Variants in TIAM1 observed in about 807,000 individuals in gnomAD.
TIAM1 encodes the protein rho guanine nucleotide exchange factor TIAM1.
A neutral mutation model predicts 163.5 loss-of-function variants in TIAM1; 65 were observed. The observed-to-expected ratio is 0.40, with a 90% CI of 0.33 to 0.49. The LOEUF (loss-of-function observed/expected upper bound fraction) is 0.49, where lower values mean the gene tolerates loss of function less well. Ranked by LOEUF, TIAM1 falls within the 20% of genes least tolerant of loss-of-function variation. The pLI, the probability that TIAM1 is intolerant of heterozygous loss-of-function variation, is 0.77. For missense variants in TIAM1, 1,789 were observed against 2,044.7 expected (o/e 0.87, Z 2.41); for synonymous variants, 833 against 810.1 (o/e 1.03, Z -0.48).
chr21:31,203,030 G>T lies in TIAM1; in HGVS notation c.2389-18C>A. On this transcript the variant is annotated intron_variant, in intron 11 of 27. Coordinates refer to ENST00000541036, the MANE Select transcript of TIAM1 (RefSeq NM_001353694.2). The stretch of plus-strand genomic sequence containing the variant: ...TGATGTGTCTGGGACAAAAAAGAAA[G>T]AAAGAAAGAAAATGTCTGTTCAATA... The T allele has an allele frequency of 1.3e-6, 2 of 1,594,102 alleles. No individual in the cohort carries two copies. The highest frequency in any genetic ancestry group is 8.6e-7 in the Non-Finnish European group (1 of 1,164,110).
intron 5 of TIAM1, among the ~76,000 whole-genome samples, chr21:31,251,528 C>T (rs536044749): frequency 2.0e-5 from 3 of 152,308 alleles, no homozygotes; most frequent in South Asian, 2.1e-4. Context: ...CAACATTGCA[C>T]TTGTAGTCGA....
chr21:31,155,148 C>T lies in TIAM1; in HGVS notation c.2992-722G>A, dbSNP rs531678667. Reference sequence around the variant, plus strand: ...TACCAGGGATGAATCAGGTGTAGACCATAAAGGTTGCACACGTTTTGTCAT... The same window carrying T: ...TACCAGGGATGAATCAGGTGTAGACTATAAAGGTTGCACACGTTTTGTCAT... On this transcript the variant is annotated intron_variant, in intron 16 of 27. Transcript: ENST00000541036. Among the ~76,000 whole-genome samples the T allele has an allele frequency of 4.6e-5, 7 of 152,292 alleles. No homozygotes were observed. In the South Asian group the frequency reaches 8.3e-4, roughly 18 times the overall value.
At chr21:31,139,066 T>C (rs1326747941) in intron 22 of TIAM1, among the ~76,000 whole-genome samples, 1 of 152,224 alleles carries the variant, frequency 6.6e-6, no homozygotes, top group Non-Finnish European at 1.5e-5. Flanking sequence ...TGTTCCTCAC[T>C]GGAAAGATTT....
At chr21:31,371,526 G>A (rs540535693) in intron 2 of TIAM1, among the ~76,000 whole-genome samples, 2 of 152,298 alleles carry the variant, frequency 1.3e-5, no homozygotes, top group African/African-American at 4.8e-5. Flanking sequence ...ATTTGTTCCT[G>A]CATGTTTTTA....
At chr21:31,389,327 G>A (rs2076930906) in intron 2 of TIAM1, among the ~76,000 whole-genome samples, 1 of 152,052 alleles carries the variant, frequency 6.6e-6, no homozygotes, top group Admixed American at 6.6e-5. Flanking sequence ...GCAATTCTCA[G>A]CCTCCCGAGT....
intron 24 of TIAM1, 92 bp from the exon 25 acceptor site, chr21:31,130,407 G>T: frequency 9.8e-7 from 1 of 1,018,516 alleles, no homozygotes; most frequent in Non-Finnish European, 1.5e-6. Flanking sequence ...AGACTCTCAC[G>T]CAGTAACTCT....
intron 3 of TIAM1, among the ~76,000 whole-genome samples, 183 bp from the exon 4 acceptor site, chr21:31,267,166 G>A (rs1242283511): frequency 1.3e-5 from 2 of 152,134 alleles, no homozygotes; most frequent in Non-Finnish European, 2.9e-5. Context: ...CCTGGGAGCA[G>A]GTGAACAGTA....
At chr21:31,179,632 G>A (rs527984718) in intron 15 of TIAM1, among the ~76,000 whole-genome samples, 7 of 151,854 alleles carry the variant, frequency 4.6e-5, no homozygotes, top group Middle Eastern at 3.4e-3. Context: ...TGGATTTAGC[G>A]CACAGCCTCC....
intron 8 of TIAM1, among the ~76,000 whole-genome samples, chr21:31,218,586 G>T (rs576351592): frequency 1.3e-5 from 2 of 151,866 alleles, no homozygotes; most frequent in African/African-American, 4.8e-5. Context: ...AAAGCGGGGG[G>T]TGGGGAATCT....
At chr21:31,350,467 G>A (rs2076216451) in intron 2 of TIAM1, among the ~76,000 whole-genome samples, 1 of 152,130 alleles carries the variant, frequency 6.6e-6, no homozygotes, top group South Asian at 2.1e-4. Flanking sequence ...TTTTGGTGTT[G>A]CAGATGGGGC....
chr21:31,468,910 C>T (rs1301233892), intron 1 of TIAM1, among the ~76,000 whole-genome samples: 3 of 151,918 alleles, frequency 2.0e-5, no homozygotes, highest in African/African-American at 4.8e-5. Flanking sequence ...GGAGGCACCA[C>T]GGGCAGGGAT....
intron 2 of TIAM1, among the ~76,000 whole-genome samples, chr21:31,457,790 C>T (rs1175159850): frequency 6.6e-6 from 1 of 152,120 alleles, no homozygotes; most frequent in Non-Finnish European, 1.5e-5. Flanking sequence ...AATCTTGTGT[C>T]CCCCCACCTC....
chr21:31,550,128 G>GA lies in TIAM1; in HGVS notation c.-422+8798dup, dbSNP rs531209271. Among the ~76,000 whole-genome samples the GA allele has an allele frequency of 6.8e-4, 74 of 108,068 alleles. 1 individual carries two copies. The highest frequency in any genetic ancestry group is 5.5e-4 in the African/African-American group (16 of 29,014). The allele number at this position is 108,068 out of a possible 152,430, so 70.9% of individuals were successfully genotyped here. ...GACAGAGAGAGATTCCGTCTCAAAA[G>GA]AAAAAAAAAAAGAATTTAAAAAAAA... On this transcript the variant is annotated intron_variant, in intron 1 of 28. Coordinates refer to the TIAM1 transcript ENST00000286827.
At chr21:31,261,680 T>A (rs904370886) in intron 4 of TIAM1, among the ~76,000 whole-genome samples, 1 of 151,862 alleles carries the variant, frequency 6.6e-6, no homozygotes, top group Non-Finnish European at 1.5e-5. Context: ...GCCACTGCAC[T>A]CCATCCTGGG....
intron 1 of TIAM1, among the ~76,000 whole-genome samples, chr21:31,530,998 C>T (rs1331973489): frequency 6.6e-6 from 1 of 152,074 alleles, no homozygotes; most frequent in Non-Finnish European, 1.5e-5. Context: ...GCAACCATGG[C>T]TAATTTCTCT....
At chr21:31,484,089 C>T (rs556186034) in intron 1 of TIAM1, among the ~76,000 whole-genome samples, 19 of 152,168 alleles carry the variant, frequency 1.2e-4, no homozygotes, top group Admixed American at 3.9e-4. Flanking sequence ...GGTGAGGACA[C>T]GGCAAAAGTT....
chr21:31,466,390 G>A (rs1369295972), intron 1 of TIAM1, among the ~76,000 whole-genome samples: 1 of 150,670 alleles, frequency 6.6e-6, no homozygotes, highest in Admixed American at 6.7e-5. Flanking sequence ...GATCAGGTGT[G>A]ATCAGATATC....
chr21:31,451,722 T>TAC (rs1569343105), intron 2 of TIAM1, among the ~76,000 whole-genome samples: 6 of 43,134 alleles, frequency 1.4e-4, no homozygotes, highest in Non-Finnish European at 3.5e-4. Context: ...TGTGTGCGTG[T>TAC]GTGTGTGTGT....
chr21:31,514,083 T>A (rs1292860572), intron 1 of TIAM1, among the ~76,000 whole-genome samples: 1 of 152,000 alleles, frequency 6.6e-6, no homozygotes, highest in Non-Finnish European at 1.5e-5. Flanking sequence ...GAAGGAAAAT[T>A]CCCTTGTATT....
Sources: gnomAD v4.1 joint callset for allele counts (sites outside exome capture counted in the v4.1 genomes callset) on GRCh38, gnomAD v4.1.1 for gene constraint, MANE v1.5 for transcripts, NCBI Gene and HGNC (gene_info 2026-07-23, HGNC 2026-07-21) for gene names.